Variants in POLN observed in about 807,000 individuals in gnomAD.
POLN encodes DNA polymerase nu.
In POLN, 108 loss-of-function variants were observed where a neutral mutation model predicts 113.5. The observed-to-expected ratio is 0.95, with a 90% CI of 0.81 to 1.12. POLN has a LOEUF of 1.12. POLN is among the 50% of genes most tolerant of loss of function. The pLI, the probability that POLN is intolerant of heterozygous loss-of-function variation, is 0.00. For missense variants in POLN, 1,097 were observed against 1,077.1 expected, an observed-to-expected ratio of 1.02 and a Z score of -0.26; for synonymous variants, 386 against 391.5, an observed-to-expected ratio of 0.99 and a Z score of 0.17.
At chr4:2,095,004 T>A (rs1250027221) in intron 20 of POLN, among the ~76,000 whole-genome samples, 1 of 151,572 alleles carries the variant, frequency 6.6e-6, no homozygotes, top group Non-Finnish European at 1.5e-5. Flanking sequence ...GAAAAGGAGG[T>A]CTGAACAGGC....
At chr4:2,222,064 G>A (rs1350802737) in intron 3 of POLN, among the ~76,000 whole-genome samples, 1 of 152,134 alleles carries the variant, frequency 6.6e-6, no homozygotes, top group African/African-American at 2.4e-5. Flanking sequence ...CCTTAACCTA[G>A]GCAAAATAAA....
intron 16 of POLN, among the ~76,000 whole-genome samples, chr4:2,135,594 C>A (rs1035239205): frequency 1.3e-5 from 2 of 152,234 alleles, no homozygotes; most frequent in Non-Finnish European, 2.9e-5. Flanking sequence ...GCACATACAG[C>A]ACGTGAACTA....
intron 5 of POLN, among the ~76,000 whole-genome samples, chr4:2,200,648 A>T (rs1733688185): frequency 6.6e-6 from 1 of 152,168 alleles, no homozygotes. Flanking sequence ...AGGAAGCCAC[A>T]TCCCTAGGAA....
chr4:2,146,212 T>C (rs181885956), intron 16 of POLN, among the ~76,000 whole-genome samples: 6 of 152,174 alleles, frequency 3.9e-5, no homozygotes, highest in African/African-American at 1.4e-4. Context: ...GGGCTTTAAA[T>C]GTTGTCAAGT....
intron 4 of POLN, among the ~76,000 whole-genome samples, chr4:2,210,620 A>C (rs1352547132): frequency 1.2e-3 from 159 of 137,618 alleles, no homozygotes; most frequent in African/African-American, 4.6e-3. Context: ...AATAATAATA[A>C]TAATAATAAT....
chr4:2,214,665 T>C (rs1362071322), intron 3 of POLN, among the ~76,000 whole-genome samples: 3 of 152,034 alleles, frequency 2.0e-5, no homozygotes, highest in African/African-American at 4.8e-5. Context: ...AAAATGTAAA[T>C]AGACTCTTTC....
intron 21 of POLN, among the ~76,000 whole-genome samples, chr4:2,083,185 C>A (rs934523695): frequency 6.6e-6 from 1 of 152,138 alleles, no homozygotes; most frequent in Non-Finnish European, 1.5e-5. Flanking sequence ...AGGGGGAACT[C>A]CTTGAAGATT....
At chr4:2,166,782 AC>A in intron 13 of POLN, among the ~76,000 whole-genome samples, 1 of 152,046 alleles carries the variant, frequency 6.6e-6, no homozygotes, top group Non-Finnish European at 1.5e-5. Flanking sequence ...TCAGAGTTAC[AC>A]CGTCAGCTTC....
At position 2,085,610 on chromosome 4, in the gene POLN, C is replaced by T; in HGVS notation, c.2197+3G>A. ...CAGGGAGCTCTGGTTGTGGCCAACT[C>T]ACCTGTCTGGTGACACTGGGCAATA... On this transcript the variant is annotated splice_donor_region_variant and intron_variant, in intron 21 of 25. Coordinates refer to ENST00000511885, the MANE Select transcript of POLN (RefSeq NM_181808.4). 6.2e-7 allele frequency: 1 copy of T among 1,613,850 alleles called. No individual in the cohort carries two copies. The highest frequency in any genetic ancestry group is 8.5e-7 in the Non-Finnish European group (1 of 1,179,986).
At position 2,174,707 on chromosome 4, in the gene POLN, CAG is replaced by C; in HGVS notation, c.1291_1292del (p.Leu431AspfsTer51). 6.2e-7 allele frequency: 1 copy of C among 1,609,940 alleles called. No individual in the cohort carries two copies. The highest frequency in any genetic ancestry group is 8.5e-7 in the Non-Finnish European group (1 of 1,176,528). On this transcript the variant is annotated frameshift_variant, in exon 10 of 26. Transcript: ENST00000511885. LOFTEE classifies it high-confidence loss of function. Reference sequence around the variant, plus strand: ...GTAACTTACCTGCCAAAATTGGTATCAGAGGAAGCTCCAAAGTACGAAATAGT... The same window carrying C: ...GTAACTTACCTGCCAAAATTGGTATCAGGAAGCTCCAAAGTACGAAATAGT... ...WQLFRTLELP[L>X]IPILAVMESH...
At position 2,073,124 on chromosome 4, in the gene POLN, C is replaced by T. The variant is rs1302769038; in HGVS notation, c.2456-95G>A. 3.4e-5 allele frequency: 42 copies of T among 1,233,668 alleles called. No homozygotes were observed. The East Asian group carries it at 5.0e-4, about 15-fold the overall frequency. 76.4% of individuals were successfully genotyped at this position (1,233,668 alleles called of 1,614,324 possible). On this transcript the variant is annotated intron_variant, in intron 24 of 25. Coordinates refer to ENST00000511885, the MANE Select transcript of POLN (RefSeq NM_181808.4). ...GAACTTTCAGGCCCGAGTCCTGCCC[C>T]GGCCCCTGAGCCCCCTTGTTTCCTG...
chr4:2,072,848 G>A lies in POLN; in HGVS notation c.2517+120C>T. The A allele has an allele frequency of 1.8e-5, 19 of 1,028,314 alleles. 1 individual carries two copies. The South Asian group carries it at 2.4e-4, about 13-fold the overall frequency. The allele number at this position is 1,028,314 out of a possible 1,614,324, so 63.7% of individuals were successfully genotyped here. A position where few individuals can be genotyped will look rare whatever the true frequency, so the allele number is the denominator to read the frequency against. The stretch of plus-strand genomic sequence containing the variant: ...TCCAGCCTCCACGGCTGTGCCTGCT[G>A]TGGAGTGGCCATCTCGGGGCTGGGG... On this transcript the variant is annotated intron_variant, in intron 25 of 25. Transcript: ENST00000511885.
In POLN at chr4:2,198,736, A is replaced by C. The variant is rs779086167; in HGVS notation, c.715-19T>G. ...CGGGGGTCTGTGGAAACACAACAAAATAAATTAAACCCAGACAACATATCT... is the reference window on the plus strand; with the variant it reads ...CGGGGGTCTGTGGAAACACAACAAACTAAATTAAACCCAGACAACATATCT... On this transcript the variant is annotated intron_variant, in intron 5 of 25. Transcript: ENST00000511885. 7.6e-6 allele frequency: 12 copies of C among 1,578,140 alleles called. No homozygotes were observed. Among genetic ancestry groups the C allele is most frequent in the Non-Finnish European group, 1.0e-5 (12 of 1,160,946 alleles).
chr4:2,219,471 G>GT (rs1418211756), intron 3 of POLN, among the ~76,000 whole-genome samples: 2 of 152,100 alleles, frequency 1.3e-5, no homozygotes, highest in Admixed American at 6.6e-5. Flanking sequence ...TACGAGAACT[G>GT]TATCTACCCT....
At chr4:2,125,871 TGTGA>T (rs1022608940) in intron 19 of POLN, among the ~76,000 whole-genome samples, 6 of 151,992 alleles carry the variant, frequency 3.9e-5, no homozygotes, top group Non-Finnish European at 5.9e-5. Flanking sequence ...CTGGCAGAGC[TGTGA>T]GTGAGGCCAG....
Position 2,198,653 on chromosome 4 carries a change from C to A in POLN, c.779G>T (p.Gly260Val), listed in dbSNP as rs781713773. Residue 260 changes from glycine to valine, a missense_variant, in exon 6 of 26, where the codon GGC (glycine) becomes GTC (valine). Physicochemically the swap from Gly to Val is moderately radical, Grantham distance 109. Transcript: ENST00000511885. ...LVKRQAEGGH[G>V]CPDAPACGPV... ...ACCACAGGCCGGGGCATCTGGACAG[C>A]CATGGCCACCCTCTGCTTGGCGTTT... 3.7e-6 allele frequency: 6 copies of A among 1,613,666 alleles called. No homozygotes were observed. In the South Asian group the frequency reaches 6.6e-5, roughly 18 times the overall value.
chr4:2,088,595 G>A (rs751248360), intron 20 of POLN: 40 of 594,804 alleles, frequency 6.7e-5, no homozygotes, highest in Non-Finnish European at 9.3e-5. Context: ...CTAATCAACT[G>A]ATCTACAACA....
intron 13 of POLN, among the ~76,000 whole-genome samples, chr4:2,161,596 C>T (rs62285175): frequency 0.04 from 6,103 of 152,332 alleles, 168 homozygotes; most frequent in Middle Eastern, 0.051. Flanking sequence ...TGATGAGCGC[C>T]GCCCCCTGCT....
intron 19 of POLN, among the ~76,000 whole-genome samples, chr4:2,101,662 T>G (rs2108704837): frequency 6.6e-6 from 1 of 152,356 alleles, no homozygotes; most frequent in South Asian, 2.1e-4. Flanking sequence ...GTCCTAGCTT[T>G]TAACAGACTG....
Sources: allele counts gnomAD v4.1 joint callset (sites outside exome capture counted in the v4.1 genomes callset), GRCh38; gene constraint gnomAD v4.1.1; transcripts MANE v1.5; gene names NCBI Gene and HGNC (gene_info 2026-07-23, HGNC 2026-07-21).